The following INSC variants were observed in gnomAD, a reference collection of about 807,000 sequenced individuals.
The protein encoded by INSC is INSC spindle orientation adaptor protein.
INSC carries 67 observed loss-of-function variants against 58.6 expected under a neutral mutation model. That is an observed-to-expected ratio of 1.14 (90% CI 0.94 to 1.40). The LOEUF is 1.40. INSC is among the 40% of genes most tolerant of loss of function. The pLI, the probability that INSC is intolerant of heterozygous loss-of-function variation, is 0.00. For missense variants in INSC, 714 were observed against 692.0 expected (o/e 1.03, Z -0.36); for synonymous variants, 262 against 276.1 (o/e 0.95, Z 0.51).
the INSC span, among the ~76,000 whole-genome samples, chr11:15,255,486 A>C: frequency 6.6e-6 from 1 of 152,242 alleles, no homozygotes; most frequent in Non-Finnish European, 1.5e-5. Context: ...TCAAAGACAA[A>C]TCAAAGTGGA....
At position 15,240,593 on chromosome 11, in the gene INSC, G is replaced by C. The variant is rs547681546; in HGVS notation, c.1470+70G>C. 1.4e-4 allele frequency: 192 copies of C among 1,332,250 alleles called. 1 individual carries two copies. The South Asian group carries it at 2.0e-3, about 14-fold the overall frequency. The allele number at this position is 1,332,250 out of a possible 1,614,324, so 82.5% of individuals were successfully genotyped here. A position where few individuals can be genotyped will look rare whatever the true frequency, so the allele number is the denominator to read the frequency against. ...TGCAGCCAAGGGGGCCAGGAGAACC[G>C]GCTGTGCTGTGGCTGGCTTCAGTAA... On this transcript the variant is annotated intron_variant, in intron 12 of 12. Coordinates refer to ENST00000379556, the MANE Select transcript of INSC (RefSeq NM_001042536.3).
intron 2 of INSC, among the ~76,000 whole-genome samples, chr11:15,154,686 C>G (rs143750483): frequency 1.2e-3 from 180 of 152,344 alleles, no homozygotes; most frequent in African/African-American, 4.2e-3. Context: ...CAATTTTTCT[C>G]TCTCTCTGAG....
At chr11:15,203,031 T>A (rs1390232415) in intron 7 of INSC, among the ~76,000 whole-genome samples, 1 of 152,242 alleles carries the variant, frequency 6.6e-6, no homozygotes, top group Non-Finnish European at 1.5e-5. Flanking sequence ...ATATGTCCTT[T>A]CATTAATGCA....
At position 15,114,990 on chromosome 11, in the gene INSC, GTC is replaced by G. The variant is rs1847657473; in HGVS notation, c.-56_-55del. 2.0e-6 allele frequency: 2 copies of G among 985,382 alleles called. No homozygotes were observed. Among genetic ancestry groups the G allele is most frequent in the Non-Finnish European group, 2.4e-6 (2 of 829,968 alleles). The allele number at this position is 985,382 out of a possible 1,614,324, so 61.0% of individuals were successfully genotyped here. A position where few individuals can be genotyped will look rare whatever the true frequency, so the allele number is the denominator to read the frequency against. On this transcript the variant is annotated 5_prime_UTR_variant, in exon 1 of 13. Coordinates refer to ENST00000379556, the MANE Select transcript of INSC (RefSeq NM_001042536.3). ...CACTGGCCGCTCGCACTACCAGCCT[GTC>G]TCGCACGCTAAGTAAGTAGACAGCT...
intron 6 of INSC, among the ~76,000 whole-genome samples, chr11:15,195,492 G>A (rs1362756162): frequency 6.6e-6 from 1 of 152,160 alleles, no homozygotes; most frequent in African/African-American, 2.4e-5. Flanking sequence ...GAAGCTCTGG[G>A]TGTTCTGTTT....
In INSC at chr11:15,204,724, G is replaced by T. The variant is rs1169262603; in HGVS notation, c.819+3775G>T. Among the ~76,000 whole-genome samples the T allele has an allele frequency of 3.3e-5, 5 of 152,346 alleles. No homozygotes were observed. In the South Asian group the frequency reaches 1.0e-3, roughly 32 times the overall value. ...GCCACCCACTCACCGGGCATGGTTC[G>T]TGGCCAAATTAGATCACATCAAAGT... On this transcript the variant is annotated intron_variant, in intron 7 of 12. Coordinates refer to ENST00000379556, the MANE Select transcript of INSC (RefSeq NM_001042536.3).
intron 9 of INSC, among the ~76,000 whole-genome samples, chr11:15,229,862 AGCC>A (rs1190837710): frequency 4.5e-4 from 66 of 145,772 alleles, no homozygotes; most frequent in African/African-American, 1.6e-3. Context: ...GTTCAAGACC[AGCC>A]TGGGCAACGT....
intron 12 of INSC, among the ~76,000 whole-genome samples, chr11:15,241,157 A>G (rs16931283): frequency 0.07 from 10,726 of 152,202 alleles, 745 homozygotes; most frequent in African/African-American, 0.18. Flanking sequence ...TGCTTCGTCT[A>G]TATATTCTTC....
chr11:15,185,277 C>G (rs936111028), intron 5 of INSC, among the ~76,000 whole-genome samples: 12 of 152,134 alleles, frequency 7.9e-5, no homozygotes, highest in African/African-American at 2.9e-4. Flanking sequence ...TCTCATTTCC[C>G]TCTATTGATT....
rs370303251 is a variant in INSC, at chr11:15,178,345, G to A, written c.477G>A (p.Glu159=). Reference sequence around the variant, plus strand: ...TCAGGTGCCTTCAGGTTGAGAATGAGCATGTCCTGAAGTCAATGAAGGCCT... The same window carrying A: ...TCAGGTGCCTTCAGGTTGAGAATGAACATGTCCTGAAGTCAATGAAGGCCT... The part of the protein sequence containing the change: ...VTERCLQVEN[E]HVLKSMKACV... The change falls in exon 5 of 13, where the codon GAG becomes GAA. Residue 159 remains glutamate, a synonymous_variant. Coordinates refer to ENST00000379556, the MANE Select transcript of INSC (RefSeq NM_001042536.3). 5.8e-5 allele frequency: 94 copies of A among 1,613,964 alleles called. No individual in the cohort carries two copies. The South Asian group carries it at 7.4e-4, about 13-fold the overall frequency.
chr11:15,136,274 T>C (rs755430612), intron 1 of INSC, among the ~76,000 whole-genome samples: 9 of 152,236 alleles, frequency 5.9e-5, no homozygotes, highest in African/African-American at 2.2e-4. Flanking sequence ...GCTGAAATGC[T>C]AATGATCATC....
intron 2 of INSC, among the ~76,000 whole-genome samples, chr11:15,167,788 C>T (rs1189147000): frequency 2.6e-5 from 4 of 152,156 alleles, no homozygotes; most frequent in Non-Finnish European, 5.9e-5. Context: ...CTGGCTTAAG[C>T]TCATTCTTAA....
chr11:15,215,874 C>A (rs1447472967), intron 7 of INSC, among the ~76,000 whole-genome samples: 1 of 152,118 alleles, frequency 6.6e-6, no homozygotes, highest in Non-Finnish European at 1.5e-5. Flanking sequence ...GACATCTGAC[C>A]AGCTCTGAGA....
At chr11:15,175,344 A>T (rs938845379) in intron 2 of INSC, among the ~76,000 whole-genome samples, 2 of 152,210 alleles carry the variant, frequency 1.3e-5, no homozygotes, top group Non-Finnish European at 2.9e-5. Context: ...CACTTAGTGT[A>T]ACCATTATTT....
At chr11:15,154,568 A>C (rs1343362258) in intron 2 of INSC, among the ~76,000 whole-genome samples, 2 of 152,302 alleles carry the variant, frequency 1.3e-5, no homozygotes, top group East Asian at 3.9e-4. Context: ...ACTGGAAAAA[A>C]GTTTGCAATC....
chr11:15,244,295 G>A (rs891536844), intron 12 of INSC, among the ~76,000 whole-genome samples: 3 of 152,126 alleles, frequency 2.0e-5, no homozygotes, highest in East Asian at 1.9e-4. Flanking sequence ...CATGAGAGTC[G>A]AGATGTGTGT....
the INSC span, among the ~76,000 whole-genome samples, chr11:15,256,460 G>A: frequency 1.7e-3 from 256 of 150,804 alleles, 5 homozygotes; most frequent in African/African-American, 4.7e-3. Context: ...TGGCACTTTC[G>A]TATGGCAGTT....
chr11:15,178,916 G>A (rs16931143), intron 5 of INSC, among the ~76,000 whole-genome samples: 3,805 of 152,260 alleles, frequency 0.025, 153 homozygotes, highest in African/African-American at 0.085. Context: ...CAGTTTACCC[G>A]ATGGGTCCTT....
intron 2 of INSC, among the ~76,000 whole-genome samples, chr11:15,173,450 A>C (rs906617494): frequency 6.6e-6 from 1 of 152,216 alleles, no homozygotes; most frequent in Non-Finnish European, 1.5e-5. Context: ...GAATGGTAAT[A>C]AGATGCAGAA....
Sources: gnomAD v4.1 joint callset for allele counts (sites outside exome capture counted in the v4.1 genomes callset) on GRCh38, gnomAD v4.1.1 for gene constraint, MANE v1.5 for transcripts, NCBI Gene and HGNC (gene_info 2026-07-23, HGNC 2026-07-21) for gene names.